The following PSD3 variants were observed in gnomAD, a reference collection of about 807,000 sequenced individuals.
PSD3 encodes pleckstrin and Sec7 domain containing 3.
PSD3 carries 49 observed loss-of-function variants against 105.5 expected under a neutral mutation model. That is an observed-to-expected ratio of 0.46 (90% confidence interval 0.37 to 0.59). PSD3 has a LOEUF of 0.59. PSD3 is among the 20% of genes least tolerant of loss of function. The pLI is 0.00. For missense variants in PSD3, 1,561 were observed against 1,263.8 expected, an observed-to-expected ratio of 1.24 and a Z score of -3.57; for synonymous variants, 557 against 457.8, an observed-to-expected ratio of 1.22 and a Z score of -2.77.
intron 2 of PSD3, among the ~76,000 whole-genome samples, chr8:18,880,652 C>T (rs1818046268): frequency 6.6e-6 from 1 of 152,210 alleles, no homozygotes; most frequent in South Asian, 2.1e-4. Flanking sequence ...CTAGTTTCAA[C>T]ATGGCTTCTT....
intron 12 of PSD3, among the ~76,000 whole-genome samples, chr8:18,583,275 C>T (rs1212517316): frequency 6.6e-6 from 1 of 152,090 alleles, no homozygotes; most frequent in East Asian, 1.9e-4. Flanking sequence ...CCCGTTTCTA[C>T]AAATAATAGA....
chr8:19,014,800 C>A (rs567323713), upstream of PSD3, among the ~76,000 whole-genome samples: 1 of 152,322 alleles, frequency 6.6e-6, no homozygotes, highest in African/African-American at 2.4e-5. This position sits in a 1 kb window ranked among gnomAD's most constrained non-coding sequence, Gnocchi z 4.9. Context: ...GTGAGCATAG[C>A]TGAGATGCAC....
In PSD3 at chr8:18,574,122, G is replaced by T. The variant is rs1802331325; in HGVS notation, c.2639+1006C>A. Reference sequence around the variant, plus strand: ...GTAGAAATGATCATGAATCAGGACAGATTATCTACCATACACATAATCAAT... The same window carrying T: ...GTAGAAATGATCATGAATCAGGACATATTATCTACCATACACATAATCAAT... On this transcript the variant is annotated intron_variant, in intron 13 of 15. Transcript: ENST00000327040. 1.3e-5 allele frequency among the ~76,000 whole-genome samples: 2 copies of T among 152,038 alleles called. 1 individual carries two copies. The highest frequency in any genetic ancestry group is 4.1e-4 in the South Asian group (2 of 4,820).
intron 9 of PSD3, among the ~76,000 whole-genome samples, chr8:18,726,199 C>G (rs1360421354): frequency 6.6e-6 from 1 of 152,250 alleles, no homozygotes; most frequent in African/African-American, 2.4e-5. Flanking sequence ...TCATATGAAT[C>G]ACTGGCCTCT....
chr8:18,668,706 C>A (rs1336744755), intron 9 of PSD3, among the ~76,000 whole-genome samples: 1 of 152,184 alleles, frequency 6.6e-6, no homozygotes, highest in African/African-American at 2.4e-5. Context: ...CACATACACA[C>A]CTGTGTACAT....
intron 10 of PSD3, among the ~76,000 whole-genome samples, chr8:18,639,001 G>A (rs1040289620): frequency 5.3e-5 from 8 of 152,156 alleles, no homozygotes; most frequent in Non-Finnish European, 1.2e-4. Flanking sequence ...CTGCCCTTCC[G>A]TGGCTTGTGC....
chr8:18,814,998 C>G (rs1211235162), intron 4 of PSD3, among the ~76,000 whole-genome samples: 1 of 152,190 alleles, frequency 6.6e-6, no homozygotes, highest in Non-Finnish European at 1.5e-5. Context: ...TGTTAAAGAG[C>G]TGGGTACCCA....
intron 1 of PSD3, among the ~76,000 whole-genome samples, chr8:18,973,392 C>T (rs1004349212): frequency 1.3e-5 from 2 of 152,196 alleles, no homozygotes; most frequent in Non-Finnish European, 2.9e-5. Flanking sequence ...ATGGTGCCAT[C>T]TGGGTTGGAT....
intron 4 of PSD3, among the ~76,000 whole-genome samples, chr8:18,842,980 G>A (rs552763728): frequency 6.6e-6 from 1 of 152,116 alleles, no homozygotes; most frequent in Non-Finnish European, 1.5e-5. Flanking sequence ...CTTTTATAAA[G>A]ATAAATTCAT....
chr8:18,918,247 C>T (rs569961794), intron 2 of PSD3, among the ~76,000 whole-genome samples: 3 of 152,330 alleles, frequency 2.0e-5, no homozygotes, highest in South Asian at 4.1e-4. Context: ...TTTATATGTG[C>T]TTCTGCCACT....
chr8:18,555,378 T>C (rs1801009907), intron 15 of PSD3, among the ~76,000 whole-genome samples: 1 of 151,168 alleles, frequency 6.6e-6, no homozygotes, highest in Non-Finnish European at 1.5e-5. Flanking sequence ...GGGCCAGAGC[T>C]ACAATGAAAA....
upstream of PSD3, among the ~76,000 whole-genome samples, chr8:19,017,278 G>A (rs998157520): frequency 1.3e-5 from 2 of 151,930 alleles, no homozygotes; most frequent in African/African-American, 4.8e-5. Flanking sequence ...CCAACTCCTG[G>A]CCTCAAACAG....
At chr8:18,974,647 C>G (rs1387858485) in intron 1 of PSD3, among the ~76,000 whole-genome samples, 1 of 150,484 alleles carries the variant, frequency 6.6e-6, no homozygotes, top group Admixed American at 6.6e-5. Context: ...CTGAAGGAAC[C>G]AACCTCCAAT....
intron 11 of PSD3, among the ~76,000 whole-genome samples, chr8:18,617,283 C>T (rs113606177): frequency 0.18 from 27,629 of 152,076 alleles, 2,616 homozygotes; most frequent in Middle Eastern, 0.23. Context: ...GTAATCCCAC[C>T]ATTTTGGGAG....
intron 1 of PSD3, among the ~76,000 whole-genome samples, chr8:19,082,939 CTG>C (rs1829689381): frequency 6.6e-6 from 1 of 152,208 alleles, no homozygotes; most frequent in Admixed American, 6.5e-5. Context: ...CGTTTCTTAA[CTG>C]TGGCTACGCA....
At chr8:18,899,766 T>C (rs1159189857) in intron 2 of PSD3, among the ~76,000 whole-genome samples, 1 of 152,156 alleles carries the variant, frequency 6.6e-6, no homozygotes, top group Non-Finnish European at 1.5e-5. Flanking sequence ...AGAGTTCTTG[T>C]TGTTCAGGTC....
chr8:19,079,224 G>C (rs1234527853), intron 1 of PSD3, among the ~76,000 whole-genome samples: 2 of 152,066 alleles, frequency 1.3e-5, no homozygotes, highest in Admixed American at 6.6e-5. Context: ...TGCTATCTCA[G>C]GCTTTATTTA....
At chr8:18,746,280 A>T (rs966691770) in intron 9 of PSD3, among the ~76,000 whole-genome samples, 5 of 152,186 alleles carry the variant, frequency 3.3e-5, no homozygotes, top group African/African-American at 1.2e-4. Context: ...TTCTGAGTCC[A>T]TAAAGGGCCC....
intron 9 of PSD3, among the ~76,000 whole-genome samples, chr8:18,718,752 G>T (rs569065847): frequency 1.1e-4 from 16 of 152,256 alleles, no homozygotes; most frequent in Admixed American, 6.5e-4. Flanking sequence ...TGACAGAAGA[G>T]AGTAGGAGGT....
Sources: gnomAD v4.1 joint callset for allele counts (sites outside exome capture counted in the v4.1 genomes callset) on GRCh38, gnomAD v4.1.1 for gene constraint, Gnocchi (gnomAD v3.1) non-coding constraint, MANE v1.5 for transcripts, NCBI Gene and HGNC (gene_info 2026-07-23, HGNC 2026-07-21) for gene names.